The following SLC8A1 variants were observed in gnomAD, a reference collection of about 807,000 sequenced individuals.
SLC8A1 encodes sodium/calcium exchanger 1.
SLC8A1 carries 18 observed loss-of-function variants against 68.3 expected under a neutral mutation model. The observed-to-expected ratio is 0.26, with a 90% CI of 0.18 to 0.39. The LOEUF (loss-of-function observed/expected upper bound fraction) is 0.39. SLC8A1 is among the 10% of genes least tolerant of loss of function. The pLI is 1.00. For missense variants in SLC8A1, 985 were observed against 1,156.7 expected, an observed-to-expected ratio of 0.85 and a Z score of 2.15; for synonymous variants, 475 against 415.5, an observed-to-expected ratio of 1.14 and a Z score of -1.74.
At chr2:40,210,896 G>C (rs911833388) in intron 2 of SLC8A1, among the ~76,000 whole-genome samples, 22 of 152,086 alleles carry the variant, frequency 1.4e-4, no homozygotes, top group Admixed American at 1.2e-3. Flanking sequence ...TGTATATAAG[G>C]TATCATTAAC....
At position 40,160,889 on chromosome 2, in the gene SLC8A1, T is replaced by G. The variant is rs759064444; in HGVS notation, c.2062-25A>C. The G allele has an allele frequency of 4.5e-6, 7 of 1,568,530 alleles. No individual in the cohort carries two copies. In the African/African-American group the frequency reaches 8.1e-5, roughly 18 times the overall value. On this transcript the variant is annotated intron_variant, in intron 5 of 7. Transcript: ENST00000406785. Reference sequence around the variant, plus strand: ...TCTAGAAATGTTGAAAAGAAAAATATAAATGCTGGGTTCGCTAAGGCCTCA... The same window carrying G: ...TCTAGAAATGTTGAAAAGAAAAATAGAAATGCTGGGTTCGCTAAGGCCTCA...
chr2:40,178,297 T>C (rs1573625107), intron 2 of SLC8A1, 90 bp downstream of exon 3: 2 of 945,858 alleles, frequency 2.1e-6, no homozygotes, highest in Non-Finnish European at 3.4e-6. Flanking sequence ...GATGTGTGCA[T>C]TGTAAGTCAT....
intron 2 of SLC8A1, among the ~76,000 whole-genome samples, chr2:40,306,673 C>T (rs946270879): frequency 1.3e-5 from 2 of 152,210 alleles, no homozygotes; most frequent in East Asian, 3.9e-4. Context: ...CAAATAATGG[C>T]AAATCTTTTC....
chr2:40,309,347 G>C (rs1159523471), intron 2 of SLC8A1, among the ~76,000 whole-genome samples: 1 of 152,130 alleles, frequency 6.6e-6, no homozygotes, highest in Admixed American at 6.6e-5. Context: ...TAGGGAAAGA[G>C]TGCTTCAGGC....
rs549089833 is a variant in SLC8A1, at chr2:40,160,903, G to A, written c.2062-39C>T. 4.5e-5 allele frequency: 65 copies of A among 1,459,546 alleles called. No homozygotes were observed. The African/African-American group carries it at 4.6e-4, about 10-fold the overall frequency. The allele number at this position is 1,459,546 out of a possible 1,614,324, so 90.4% of individuals were successfully genotyped here. On this transcript the variant is annotated intron_variant, in intron 5 of 7. Transcript: ENST00000406785. The stretch of plus-strand genomic sequence containing the variant: ...AAAGAAAAATATAAATGCTGGGTTC[G>A]CTAAGGCCTCAGGAAATCCAAGACC...
chr2:40,185,472 G>A (rs2050527226), intron 2 of SLC8A1, among the ~76,000 whole-genome samples: 1 of 152,188 alleles, frequency 6.6e-6, no homozygotes. Context: ...ATCATTCTAA[G>A]TGAAAGAACC....
At chr2:40,315,826 G>A (rs1043319764) in intron 2 of SLC8A1, among the ~76,000 whole-genome samples, 32 of 152,044 alleles carry the variant, frequency 2.1e-4, no homozygotes, top group African/African-American at 7.5e-4. Flanking sequence ...GGCACATGGT[G>A]ATAATGTATT....
chr2:40,266,706 T>C (rs76940081), intron 2 of SLC8A1, among the ~76,000 whole-genome samples: 2,770 of 152,296 alleles, frequency 0.018, 36 homozygotes, highest in Non-Finnish European at 0.029. Context: ...TCTCCATGGA[T>C]CATTGCTCAC....
At chr2:40,208,869 A>G (rs1452293701) in intron 2 of SLC8A1, among the ~76,000 whole-genome samples, 1 of 152,170 alleles carries the variant, frequency 6.6e-6, no homozygotes, top group Non-Finnish European at 1.5e-5. Flanking sequence ...ATAAATGCTT[A>G]CTTTTCAAGG....
At chr2:40,256,561 G>C (rs575520367) in intron 2 of SLC8A1, among the ~76,000 whole-genome samples, 40 of 152,190 alleles carry the variant, frequency 2.6e-4, no homozygotes, top group African/African-American at 9.4e-4. Flanking sequence ...TGTTTCCTCT[G>C]TCTTAAATTA....
intron 1 of SLC8A1, among the ~76,000 whole-genome samples, chr2:40,482,998 G>A (rs1223716627): frequency 1.3e-5 from 2 of 149,568 alleles, no homozygotes; most frequent in African/African-American, 2.4e-5. Context: ...TAGAGACGGG[G>A]TTTCACCGTG....
At chr2:40,449,097 G>A (rs1302259127) in intron 1 of SLC8A1, among the ~76,000 whole-genome samples, 2 of 149,662 alleles carry the variant, frequency 1.3e-5, no homozygotes, top group Non-Finnish European at 3.0e-5. Context: ...TATCCTCCCT[G>A]TACCTAAAAG....
chr2:40,489,313 C>T lies in SLC8A1; in HGVS notation c.-25+23036G>A, dbSNP rs554314783. Reference sequence around the variant, plus strand: ...TTTGCCAGGCTTAAATGGGATTACACGAGCCCCGTAAACCAAAAAGCATAC... The same window carrying T: ...TTTGCCAGGCTTAAATGGGATTACATGAGCCCCGTAAACCAAAAAGCATAC... On this transcript the variant is annotated intron_variant, in intron 1 of 7. Transcript: ENST00000402441. 1.1e-4 allele frequency among the ~76,000 whole-genome samples: 16 copies of T among 152,152 alleles called. No homozygotes were observed. The South Asian group carries it at 1.7e-3, about 16-fold the overall frequency.
intron 2 of SLC8A1, among the ~76,000 whole-genome samples, chr2:40,243,252 TG>T (rs2061433169): frequency 6.6e-6 from 1 of 152,120 alleles, no homozygotes; most frequent in South Asian, 2.1e-4. Context: ...GAGGCCAAAG[TG>T]GGTGGATTGC....
At chr2:40,167,598 T>C (rs2046767074) in intron 4 of SLC8A1, among the ~76,000 whole-genome samples, 1 of 152,222 alleles carries the variant, frequency 6.6e-6, no homozygotes, top group Non-Finnish European at 1.5e-5. Flanking sequence ...TTCTATCATT[T>C]GCTACACTCT....
rs143850353 is a variant in SLC8A1, at chr2:40,460,091, G to A, written c.-24-29787C>T. The stretch of plus-strand genomic sequence containing the variant: ...TTTCACGTCTACTTGGAGACTCAGG[G>A]CCTAAAGCAGATTACAACTCATATA... On this transcript the variant is annotated intron_variant, in intron 1 of 7. Transcript: ENST00000402441. Among the ~76,000 whole-genome samples, 228 of 152,258 alleles carry A rather than the reference G, an allele frequency of 1.5e-3. 2 individuals are homozygous for A. Among genetic ancestry groups the A allele is most frequent in the African/African-American group, 5.2e-3 (214 of 41,540 alleles).
intron 6 of SLC8A1, among the ~76,000 whole-genome samples, chr2:40,140,207 A>G (rs1339117842): frequency 6.6e-6 from 1 of 152,150 alleles, no homozygotes; most frequent in African/African-American, 2.4e-5. Context: ...TCCTGCAACT[A>G]TTTCAAACTC....
intron 1 of SLC8A1, among the ~76,000 whole-genome samples, chr2:40,450,671 C>G (rs1702276990): frequency 6.6e-6 from 1 of 152,126 alleles, no homozygotes; most frequent in African/African-American, 2.4e-5. Flanking sequence ...TCTTTTTAGT[C>G]TTTACACCTC....
intron 2 of SLC8A1, among the ~76,000 whole-genome samples, chr2:40,391,802 A>G (rs763115631): frequency 2.6e-5 from 4 of 152,072 alleles, no homozygotes; most frequent in African/African-American, 7.2e-5. Context: ...AAAAAGTGTT[A>G]ACCACATCAC....
Sources: allele counts gnomAD v4.1 joint callset (sites outside exome capture counted in the v4.1 genomes callset), GRCh38; gene constraint gnomAD v4.1.1; transcripts MANE v1.5; gene names NCBI Gene and HGNC (gene_info 2026-07-23, HGNC 2026-07-21).